The following DPP6 variants were observed in gnomAD, a reference collection of about 807,000 sequenced individuals.
The protein encoded by DPP6 is dipeptidyl peptidase like 6.
A neutral mutation model predicts 122.6 loss-of-function variants in DPP6; 69 were observed. The ratio of observed to expected loss-of-function variants is 0.56; its 90% CI spans 0.46 to 0.69. The LOEUF (loss-of-function observed/expected upper bound fraction) is 0.69. Among genes scored for constraint, DPP6 ranks in the 30% least tolerant of loss-of-function variants. The pLI is 0.00. For synonymous variants in DPP6, 418 were observed against 433.1 expected (o/e 0.97, Z 0.43); for missense variants, 928 against 1,116.9 (o/e 0.83, Z 2.41).
chr7:154,250,735 C>T (rs115930695), intron 1 of DPP6, among the ~76,000 whole-genome samples: 258 of 152,128 alleles, frequency 1.7e-3, no homozygotes, highest in African/African-American at 5.9e-3. Flanking sequence ...ATGAAGTCCC[C>T]GTCAAGACGA....
intron 1 of DPP6, among the ~76,000 whole-genome samples, chr7:154,209,901 C>G (rs555973047): frequency 6.6e-6 from 1 of 152,334 alleles, no homozygotes; most frequent in Middle Eastern, 3.4e-3. Context: ...ATTGAAAACA[C>G]TAACAGATAT....
At chr7:153,885,107 T>C (rs1425667435), upstream of DPP6, among the ~76,000 whole-genome samples, 2 of 84,976 alleles carry the variant, frequency 2.4e-5, no homozygotes, top group Admixed American at 1.1e-4. Flanking sequence ...TGGAGGCCCA[T>C]GCTTGGTGGG....
intron 7 of DPP6, among the ~76,000 whole-genome samples, chr7:154,713,484 C>T (rs1409617881): frequency 3.9e-5 from 6 of 152,372 alleles, no homozygotes; most frequent in East Asian, 3.9e-4. Flanking sequence ...CTGGCATTTC[C>T]ATACATCTTC....
chr7:154,116,664 A>G (rs1196096189), intron 1 of DPP6, among the ~76,000 whole-genome samples: 3 of 152,206 alleles, frequency 2.0e-5, no homozygotes, highest in Non-Finnish European at 4.4e-5. Context: ...TTTACAGAGT[A>G]GTTGTTTCTC....
In DPP6 at chr7:154,795,684, C is replaced by T. The variant is rs1045645388; in HGVS notation, c.1261-161C>T. Among the ~76,000 whole-genome samples, 4 of 152,162 alleles carry T rather than the reference C, an allele frequency of 2.6e-5. No individual in the cohort carries two copies. In the South Asian group the frequency reaches 6.2e-4, roughly 24 times the overall value. On this transcript the variant is annotated intron_variant, in intron 11 of 25. Transcript: ENST00000377770. ...CAAAGAGGAGAGCTCGGGATTGCCTCCTCCCAGAGCTGCCGTGGCAGCTGT... is the reference window on the plus strand; with the variant it reads ...CAAAGAGGAGAGCTCGGGATTGCCTTCTCCCAGAGCTGCCGTGGCAGCTGT...
intron 1 of DPP6, among the ~76,000 whole-genome samples, chr7:154,130,848 C>G (rs187959729): frequency 2.2e-3 from 329 of 152,268 alleles, no homozygotes; most frequent in Non-Finnish European, 3.8e-3. Flanking sequence ...AGAGTAGCCC[C>G]TGCAAGACGC....
intron 1 of DPP6, among the ~76,000 whole-genome samples, chr7:154,121,903 A>G (rs951329643): frequency 6.6e-6 from 1 of 152,214 alleles, no homozygotes; most frequent in African/African-American, 2.4e-5. Context: ...CAGTTCAACT[A>G]TAATATATAT....
chr7:154,570,515 C>G (rs1195837576), intron 5 of DPP6, among the ~76,000 whole-genome samples: 1 of 152,068 alleles, frequency 6.6e-6, no homozygotes, highest in East Asian at 1.9e-4. Context: ...TGTGTATATT[C>G]TCTCCGAACC....
chr7:154,440,580 T>A (rs1345424848), intron 1 of DPP6, among the ~76,000 whole-genome samples: 3 of 152,222 alleles, frequency 2.0e-5, no homozygotes, highest in African/African-American at 4.8e-5. Flanking sequence ...TATTTAAAGC[T>A]ATCAATTACC....
intron 1 of DPP6, among the ~76,000 whole-genome samples, chr7:154,425,497 C>CT (rs887809242): frequency 2.0e-5 from 3 of 152,066 alleles, no homozygotes; most frequent in Non-Finnish European, 4.4e-5. Flanking sequence ...AAAGCACTGG[C>CT]TTTGTCCCTA....
intron 5 of DPP6, among the ~76,000 whole-genome samples, chr7:154,595,822 A>G (rs1327024599): frequency 1.3e-5 from 2 of 152,210 alleles, no homozygotes; most frequent in Non-Finnish European, 2.9e-5. Context: ...GTACTTTAGG[A>G]GGCTGAGGCG....
intron 5 of DPP6, among the ~76,000 whole-genome samples, chr7:154,582,526 C>T (rs1201725689): frequency 6.6e-6 from 1 of 152,124 alleles, no homozygotes; most frequent in African/African-American, 2.4e-5. Flanking sequence ...CGCCTGCTTC[C>T]CACAGGGTCC....
chr7:154,226,271 G>A (rs1800595377), intron 1 of DPP6, among the ~76,000 whole-genome samples: 1 of 152,180 alleles, frequency 6.6e-6, no homozygotes, highest in East Asian at 1.9e-4. Flanking sequence ...TCTTGCCAAT[G>A]AAACTAGAAA....
the DPP6 span, among the ~76,000 whole-genome samples, chr7:153,871,431 G>A: frequency 1.3e-5 from 2 of 152,314 alleles, no homozygotes; most frequent in African/African-American, 2.4e-5. Flanking sequence ...AGGCTCCGTG[G>A]GCATAGGACC....
At chr7:154,152,835 C>T (rs1796490767) in intron 1 of DPP6, among the ~76,000 whole-genome samples, 1 of 152,240 alleles carries the variant, frequency 6.6e-6, no homozygotes. Context: ...GTCGGCTTTC[C>T]AATCAGAAAC....
intron 1 of DPP6, among the ~76,000 whole-genome samples, chr7:154,154,895 C>T (rs1796606566): frequency 6.6e-6 from 1 of 152,180 alleles, no homozygotes; most frequent in African/African-American, 2.4e-5. Flanking sequence ...AGAGCCAGGG[C>T]AGAGAGACAG....
the DPP6 span, among the ~76,000 whole-genome samples, chr7:153,824,115 G>A: frequency 0.037 from 5,600 of 152,272 alleles, 336 homozygotes; most frequent in African/African-American, 0.13. Context: ...GGGGTTGGGC[G>A]CGGTGGCTTA....
chr7:154,633,294 G>C (rs960928435), intron 5 of DPP6, among the ~76,000 whole-genome samples: 1 of 151,976 alleles, frequency 6.6e-6, no homozygotes, highest in Non-Finnish European at 1.5e-5. Context: ...TGAAGTGCAA[G>C]GGCATGACCT....
chr7:154,046,172 C>T (rs1178646862), intron 1 of DPP6, among the ~76,000 whole-genome samples: 2 of 152,278 alleles, frequency 1.3e-5, no homozygotes, highest in African/African-American at 2.4e-5. Flanking sequence ...AGGTCTTCTC[C>T]AAGTGTGTTT....
Sources: gnomAD v4.1 joint callset for allele counts (sites outside exome capture counted in the v4.1 genomes callset) on GRCh38, gnomAD v4.1.1 for gene constraint, MANE v1.5 for transcripts, NCBI Gene and HGNC (gene_info 2026-07-23, HGNC 2026-07-21) for gene names.